Variants in DACT3 observed in about 807,000 individuals in gnomAD.
DACT3 encodes the protein dapper homolog 3.
A neutral mutation model predicts 19.6 loss-of-function variants in DACT3; 5 were observed. The ratio of observed to expected loss-of-function variants is 0.26; its 90% CI spans 0.13 to 0.54. The LOEUF (loss-of-function observed/expected upper bound fraction) is 0.54. Among genes scored for constraint, DACT3 ranks in the 20% least tolerant of loss-of-function variants. The pLI, the probability that DACT3 is intolerant of heterozygous loss-of-function variation, is 0.95. For missense variants in DACT3, 908 were observed against 927.4 expected, an observed-to-expected ratio of 0.98 and a Z score of 0.27; for synonymous variants, 454 against 428.1, an observed-to-expected ratio of 1.06 and a Z score of -0.75.
intron 1 of DACT3, among the ~76,000 whole-genome samples, chr19:46,655,901 GTCTCTCTC>G (rs140521907): frequency 7.6e-6 from 1 of 131,852 alleles, no homozygotes; most frequent in African/African-American, 2.9e-5. Context: ...GTGAGACCCA[GTCTCTCTC>G]TCTCTCTCTC....
intron 1 of DACT3, among the ~76,000 whole-genome samples, chr19:46,655,926 T>TCTCC (rs58487930): frequency 2.6e-5 from 1 of 39,088 alleles, no homozygotes; most frequent in African/African-American, 5.2e-5. Flanking sequence ...TCTCTCTCTC[T>TCTCC]ATATATATAT....
In DACT3 at chr19:46,648,321, G is replaced by T. The variant is rs2052938269; in HGVS notation, c.*161C>A. ...TCCCCATTCCTCTCGGTGGTGGTGG[G>T]GGAGCCTTTTCAACCAAGACTGTTA... On this transcript the variant is annotated 3_prime_UTR_variant, in exon 4 of 4. Coordinates refer to ENST00000391916, the MANE Select transcript of DACT3 (RefSeq NM_145056.3). The surrounding 1 kb of genome is among the most constrained non-coding windows in gnomAD (Gnocchi z 5.1). 9.2e-6 allele frequency: 11 copies of T among 1,200,284 alleles called. No homozygotes were observed. Among genetic ancestry groups the T allele is most frequent in the Non-Finnish European group, 1.0e-5 (9 of 859,108 alleles). 74.4% of individuals were successfully genotyped at this position (1,200,284 alleles called of 1,614,324 possible).
rs189187210 is a variant in DACT3, at chr19:46,649,570, G to A, written c.802C>T (p.Pro268Ser). 1.9e-6 allele frequency: 2 copies of A among 1,080,394 alleles called. No individual in the cohort carries two copies. The highest frequency in any genetic ancestry group is 1.7e-5 in the African/African-American group (1 of 58,558). The allele number at this position is 1,080,394 out of a possible 1,614,324, so 66.9% of individuals were successfully genotyped here. A position where few individuals can be genotyped will look rare whatever the true frequency, so the allele number is the denominator to read the frequency against. Residue 268 changes from proline to serine, a missense_variant, in exon 4 of 4, where the codon CCC becomes TCC. Transcript: ENST00000391916. ...RRRRRRGAGQ[P>S]RTSPGGADGG... is the part of the protein sequence containing the mutation. ...TCCGCGCCCCCGGGACTGGTCCGGG[G>A]CTGGCCCGCCCCCCGGCGGCGGCGC...
At chr19:46,655,925 C>CTCTCTCTCTCTCTCTCTCTATA (rs980735397) in intron 1 of DACT3, among the ~76,000 whole-genome samples, 7 of 137,894 alleles carry the variant, frequency 5.1e-5, no homozygotes, top group African/African-American at 1.6e-4. Context: ...CTCTCTCTCT[C>CTCTCTCTCTCTCTCTCTCTATA]TATATATATA....
intron 1 of DACT3, chr19:46,654,163 A>C: frequency 1.0e-6 from 1 of 985,244 alleles, no homozygotes. Flanking sequence ...AGCTCCAGTG[A>C]GTCTACCTTT....
At position 46,655,968 on chromosome 19, in the gene DACT3, TAC is replaced by T. The variant is rs761217448; in HGVS notation, c.250-2895_250-2894del. ...ATATACACAAACACACATATATATATACACACATATATATACACATATATACA... is the reference window on the plus strand; with the variant it reads ...ATATACACAAACACACATATATATATACACATATATATACACATATATACA... On this transcript the variant is annotated intron_variant, in intron 1 of 3. Coordinates refer to ENST00000391916, the MANE Select transcript of DACT3 (RefSeq NM_145056.3). Among the ~76,000 whole-genome samples, 94 of 150,340 alleles carry T rather than the reference TAC, an allele frequency of 6.3e-4. 1 individual carries two copies. The highest frequency in any genetic ancestry group is 1.2e-3 in the Non-Finnish European group (78 of 67,682).
chr19:46,649,911 G>C, intron 3 of DACT3, 39 bp from the exon 4 acceptor site: 2 of 1,328,118 alleles, frequency 1.5e-6, no homozygotes, highest in Non-Finnish European at 1.9e-6. Flanking sequence ...AAAAGAGAGA[G>C]TGGAGGGGCT....
rs2053067811 is a variant in DACT3, at chr19:46,660,604, TG to T, written c.249+211del. Among the ~76,000 whole-genome samples the T allele has an allele frequency of 6.6e-6, 1 of 152,074 alleles. No homozygotes were observed. The highest frequency in any genetic ancestry group is 1.5e-5 in the Non-Finnish European group (1 of 67,976). On this transcript the variant is annotated intron_variant, in intron 1 of 3. Coordinates refer to ENST00000391916, the MANE Select transcript of DACT3 (RefSeq NM_145056.3). The surrounding 1 kb of genome is among the most constrained non-coding windows in gnomAD (Gnocchi z 4.9). ...GCCTGTGTTTCTCACGAGGCCCCAGTGGGGGCGATGCAGTTCCCCCTCCCCC... is the reference window on the plus strand; with the variant it reads ...GCCTGTGTTTCTCACGAGGCCCCAGTGGGGCGATGCAGTTCCCCCTCCCCC...
chr19:46,648,414 A>G lies in DACT3; in HGVS notation c.*68T>C. On this transcript the variant is annotated 3_prime_UTR_variant, in exon 4 of 4. Coordinates refer to ENST00000391916, the MANE Select transcript of DACT3 (RefSeq NM_145056.3). The surrounding 1 kb of genome is among the most constrained non-coding windows in gnomAD (Gnocchi z 5.1). ...GATGGTCTTTGGAAGGTAGATGTGG[A>G]AGGGTCAGTGGTTGGGAGTGTGGAG... is the stretch of plus-strand genomic sequence containing the variant. The G allele has an allele frequency of 6.2e-7, 1 of 1,604,906 alleles. No homozygotes were observed. The highest frequency in any genetic ancestry group is 8.5e-7 in the Non-Finnish European group (1 of 1,174,556).
chr19:46,657,772 C>T (rs951367819), intron 1 of DACT3, among the ~76,000 whole-genome samples: 6 of 151,888 alleles, frequency 4.0e-5, no homozygotes, highest in African/African-American at 7.3e-5. Flanking sequence ...ATGTAGGTGT[C>T]GGGCGCAGTG....
rs543586268 is a variant in DACT3, at chr19:46,659,805, G to T, written c.249+1011C>A. 2.2e-3 allele frequency among the ~76,000 whole-genome samples: 327 copies of T among 152,036 alleles called. 2 individuals are homozygous for T. The highest frequency in any genetic ancestry group is 7.1e-3 in the South Asian group (34 of 4,816). ...GCCGTGGAGCCAGGGTGTGCGGGCT[G>T]GGGGGAGGGGAAGACAGACTGAGCC... On this transcript the variant is annotated intron_variant, in intron 1 of 3. Coordinates refer to ENST00000391916, the MANE Select transcript of DACT3 (RefSeq NM_145056.3).
chr19:46,653,661 C>T (rs1453347159), intron 1 of DACT3, among the ~76,000 whole-genome samples: 1 of 151,994 alleles, frequency 6.6e-6, no homozygotes, highest in African/African-American at 2.4e-5. Flanking sequence ...TCAGGCAATT[C>T]ACCCACCTCA....
Position 46,648,650 on chromosome 19 carries a change from C to T in DACT3, c.1722G>A (p.Val574=), listed in dbSNP as rs368723916. ...SSDSDGSGGL[V]WPQQLVAATA... ...TGGCCGCCACCAGCTGCTGCGGCCA[C>T]ACGAGGCCACCGCTGCCGTCTGAGT... The change falls in exon 4 of 4, where the codon GTG becomes GTA. Residue 574 remains valine, a synonymous_variant. Transcript: ENST00000391916. The surrounding 1 kb of genome is among the most constrained non-coding windows in gnomAD (Gnocchi z 5.1). The T allele has an allele frequency of 4.6e-5, 74 of 1,612,512 alleles. No homozygotes were observed. Among genetic ancestry groups the T allele is most frequent in the South Asian group, 3.5e-4 (32 of 91,044 alleles).
chr19:46,648,318 TGGGGG>T lies in DACT3; in HGVS notation c.*159_*163del. The T allele has an allele frequency of 2.2e-6, 2 of 921,136 alleles. No individual in the cohort carries two copies. The highest frequency in any genetic ancestry group is 3.1e-6 in the Non-Finnish European group (2 of 646,812). 57.1% of individuals were successfully genotyped at this position (921,136 alleles called of 1,614,324 possible). On this transcript the variant is annotated 3_prime_UTR_variant, in exon 4 of 4. Coordinates refer to ENST00000391916, the MANE Select transcript of DACT3 (RefSeq NM_145056.3). This position sits in a 1 kb window ranked among gnomAD's most constrained non-coding sequence, Gnocchi z 5.1. ...TCCTCCCCATTCCTCTCGGTGGTGG[TGGGGG>T]AGCCTTTTCAACCAAGACTGTTAGG...
chr19:46,649,683 C>A lies in DACT3; in HGVS notation c.689G>T (p.Arg230Leu). 1 of 1,183,332 alleles carries A rather than the reference C, an allele frequency of 8.5e-7. No homozygotes were observed. The allele number at this position is 1,183,332 out of a possible 1,614,324, so 73.3% of individuals were successfully genotyped here. ...PLHAVAMRSP[R>L]PCGRPPTDSP... ...GTCGGTGGGAGGGCGGCCGCAGGGC[C>A]GCGGGCTGCGCATCGCCACGGCGTG... The change falls in exon 4 of 4, where the codon CGG becomes CTG. Residue 230 changes from arginine (R) to leucine (L), a missense_variant. Coordinates refer to ENST00000391916, the MANE Select transcript of DACT3 (RefSeq NM_145056.3).
At chr19:46,656,990 G>A (rs1340822064) in intron 1 of DACT3, among the ~76,000 whole-genome samples, 1 of 152,174 alleles carries the variant, frequency 6.6e-6, no homozygotes, top group Non-Finnish European at 1.5e-5. Flanking sequence ...CCTCACCCAA[G>A]AAACTAGAAT....
chr19:46,649,425 C>T lies in DACT3; in HGVS notation c.947G>A (p.Ser316Asn). ...SLERVGGHPT[S>N]PAALSRAWAS... is the part of the protein sequence containing the mutation. ...CCAGGCGCGGCTCAAGGCGGCAGGG[C>T]TGGTGGGGTGGCCCCCGACGCGCTC... The change falls in exon 4 of 4, where the codon AGC (serine) becomes AAC (asparagine). Residue 316 changes from serine (S) to asparagine (N), a missense_variant. This residue lies in a region of DACT3 where 656 missense variants were observed against 601.8 expected (regional missense o/e 1.09). Coordinates refer to ENST00000391916, the MANE Select transcript of DACT3 (RefSeq NM_145056.3). 2 of 1,269,210 alleles carry T rather than the reference C, an allele frequency of 1.6e-6. No homozygotes were observed. Among genetic ancestry groups the T allele is most frequent in the Non-Finnish European group, 1.0e-6 (1 of 997,858 alleles). 78.6% of individuals were successfully genotyped at this position (1,269,210 alleles called of 1,614,324 possible).
rs1473198491 is a variant in DACT3, at chr19:46,649,558, G to C, written c.814C>G (p.Pro272Ala). Residue 272 changes from proline to alanine, a missense_variant, in exon 4 of 4, where the codon CCC (proline) becomes GCC (alanine). Pro to Ala is a conservative substitution (Grantham distance 27). Transcript: ENST00000391916. ...RRGAGQPRTSPGGADGGPRRQ... is the reference protein window; with the variant it reads ...RRGAGQPRTSAGGADGGPRRQ... The stretch of plus-strand genomic sequence containing the variant: ...CGCGGGCCGCCGTCCGCGCCCCCGG[G>C]ACTGGTCCGGGGCTGGCCCGCCCCC... 1 of 1,055,888 alleles carries C rather than the reference G, an allele frequency of 9.5e-7. No individual in the cohort carries two copies. Among genetic ancestry groups the C allele is most frequent in the Non-Finnish European group, 1.1e-6 (1 of 877,272 alleles). 65.4% of individuals were successfully genotyped at this position (1,055,888 alleles called of 1,614,324 possible).
At chr19:46,658,019 G>A (rs188216440) in intron 1 of DACT3, among the ~76,000 whole-genome samples, 13 of 151,988 alleles carry the variant, frequency 8.6e-5, no homozygotes, top group African/African-American at 3.1e-4. Flanking sequence ...CTTGAACCTA[G>A]GAGGTGGAGG....
Sources: gnomAD v4.1 joint callset for allele counts (sites outside exome capture counted in the v4.1 genomes callset) on GRCh38, gnomAD v4.1.1 for gene constraint, gnomAD v4.1.1 regional missense constraint, Gnocchi (gnomAD v3.1) non-coding constraint, MANE v1.5 for transcripts, NCBI Gene and HGNC (gene_info 2026-07-23, HGNC 2026-07-21) for gene names.